PLXNA4: variants seen among roughly 807,000 people sequenced by gnomAD.
The protein encoded by PLXNA4 is plexin-A4.
In PLXNA4, 44 loss-of-function variants were observed where a neutral mutation model predicts 191.8. That is an observed-to-expected ratio of 0.23 (90% CI 0.18 to 0.29). The LOEUF (loss-of-function observed/expected upper bound fraction) is 0.29. PLXNA4 is among the 10% of genes least tolerant of loss of function. The probability of loss-of-function intolerance (pLI) is 1.00; values close to 1 mark genes in which losing one functional copy is unlikely to be tolerated. For missense variants in PLXNA4, 1,800 were observed against 2,488.8 expected (o/e 0.72, Z 5.89); for synonymous variants, 1,082 against 1,009.5 (o/e 1.07, Z -1.36).
chr7:132,207,318 G>A (rs1391677235), intron 10 of PLXNA4, among the ~76,000 whole-genome samples: 1 of 152,244 alleles, frequency 6.6e-6, no homozygotes, highest in Non-Finnish European at 1.5e-5. Flanking sequence ...GCCAGCATGA[G>A]TCCGCGGAAG....
rs372745777 is a variant in PLXNA4 at position 132,179,646 on chromosome 7, ACG to A, written c.3874+39_3874+40del. On this transcript the variant is annotated intron_variant, in intron 20 of 31. Coordinates refer to ENST00000321063, the MANE Select transcript of PLXNA4 (RefSeq NM_020911.2). ...TGTGCATGCACACACATATGCACAC[ACG>A]CACACACACATGGCCTCCAGCATGG... The A allele has an allele frequency of 2.4e-5, 38 of 1,588,870 alleles. No homozygotes were observed. In the African/African-American group the frequency reaches 2.6e-4, roughly 11 times the overall value.
intron 4 of PLXNA4, among the ~76,000 whole-genome samples, chr7:132,290,259 C>A (rs1280832921): frequency 6.6e-6 from 1 of 152,212 alleles, no homozygotes; most frequent in African/African-American, 2.4e-5. Context: ...AGGCTTCTGG[C>A]TTCCAGGAAG....
intron 3 of PLXNA4, among the ~76,000 whole-genome samples, chr7:132,410,100 T>C (rs1016783936): frequency 9.2e-5 from 14 of 152,316 alleles, no homozygotes; most frequent in Admixed American, 7.2e-4. Context: ...GCTTGGATCC[T>C]CACACTCTCC....
intron 4 of PLXNA4, among the ~76,000 whole-genome samples, chr7:132,259,436 CAAAAAAAAAAAAAAAAAAAAAA>C (rs55902635): frequency 1.5e-4 from 5 of 33,854 alleles, no homozygotes; most frequent in African/African-American, 4.3e-4. Context: ...AACTCCAACT[CAAAAAAAAAAAAAAAAAAAAAA>C]AAAAAAAAAA....
chr7:132,135,745 C>T (rs1795093451), intron 30 of PLXNA4, among the ~76,000 whole-genome samples: 1 of 152,072 alleles, frequency 6.6e-6, no homozygotes, highest in African/African-American at 2.4e-5. Flanking sequence ...GGGCTGGGGC[C>T]CTGACCATCT....
chr7:132,595,018 T>TAGAC (rs200153876), intron 2 of PLXNA4, among the ~76,000 whole-genome samples: 489 of 31,672 alleles, frequency 0.015, 5 homozygotes, highest in East Asian at 0.052. Context: ...GATAGATAGA[T>TAGAC]AGACAGACAG....
intron 3 of PLXNA4, among the ~76,000 whole-genome samples, chr7:132,326,310 G>A (rs1802355150): frequency 6.6e-6 from 1 of 152,164 alleles, no homozygotes; most frequent in Admixed American, 6.5e-5. Context: ...AGCCTCCATA[G>A]TCCTATGAGA....
At chr7:132,572,957 T>C (rs1442526914) in intron 1 of PLXNA4, among the ~76,000 whole-genome samples, 2 of 152,192 alleles carry the variant, frequency 1.3e-5, no homozygotes, top group African/African-American at 4.8e-5. Flanking sequence ...TAAATATAAA[T>C]AACACTTAAT....
chr7:132,591,750 T>G (rs1225961058), intron 2 of PLXNA4, among the ~76,000 whole-genome samples: 1 of 152,206 alleles, frequency 6.6e-6, no homozygotes, highest in East Asian at 1.9e-4. Flanking sequence ...CCCTTTCAGA[T>G]GCATTAGTGT....
chr7:132,132,262 T>C (rs960584038), intron 31 of PLXNA4, among the ~76,000 whole-genome samples: 2 of 152,158 alleles, frequency 1.3e-5, no homozygotes, highest in African/African-American at 4.8e-5. Flanking sequence ...ACCCCATGCA[T>C]AGGCAAGAAA....
At chr7:132,259,677 G>A (rs1799567100) in intron 4 of PLXNA4, among the ~76,000 whole-genome samples, 1 of 151,984 alleles carries the variant, frequency 6.6e-6, no homozygotes, top group Non-Finnish European at 1.5e-5. Context: ...GCACACAGAT[G>A]TTTATAGCAA....
chr7:132,521,177 TG>T (rs1181044273), intron 1 of PLXNA4, among the ~76,000 whole-genome samples: 4,679 of 115,606 alleles, frequency 0.04, 284 homozygotes, highest in East Asian at 0.25. Context: ...ATTTGCTCCT[TG>T]AAAAAAAAAA....
intron 2 of PLXNA4, among the ~76,000 whole-genome samples, chr7:132,587,205 T>C (rs1007530900): frequency 6.6e-6 from 1 of 152,112 alleles, no homozygotes; most frequent in Non-Finnish European, 1.5e-5. Flanking sequence ...TCAAAGTAAC[T>C]GGTGATGTTC....
chr7:132,398,914 C>T (rs1793868102), intron 3 of PLXNA4, among the ~76,000 whole-genome samples: 1 of 152,162 alleles, frequency 6.6e-6, no homozygotes, highest in African/African-American at 2.4e-5. Flanking sequence ...CCTCAGGACA[C>T]CCACAGGAGA....
At chr7:132,144,709 C>T (rs1477095624) in intron 29 of PLXNA4, among the ~76,000 whole-genome samples, 2 of 152,192 alleles carry the variant, frequency 1.3e-5, no homozygotes, top group African/African-American at 4.8e-5. Context: ...TTGCCTCTCA[C>T]CCTCATCTGT....
At position 132,346,292 on chromosome 7, in the gene PLXNA4, T is replaced by C. The variant is rs149083857; in HGVS notation, c.1372-48070A>G. 5.1e-3 allele frequency among the ~76,000 whole-genome samples: 774 copies of C among 152,348 alleles called. 11 individuals carry two copies. Among genetic ancestry groups the C allele is most frequent in the Admixed American group, 0.016 (242 of 15,296 alleles). ...GCATGCCTTACGAGTACAAAGGCTC[T>C]TCACATCTTTGGTCCACTATCAGGA... On this transcript the variant is annotated intron_variant, in intron 3 of 31. Transcript: ENST00000321063.
chr7:132,430,661 A>G (rs1022530526), intron 3 of PLXNA4, among the ~76,000 whole-genome samples: 1 of 152,226 alleles, frequency 6.6e-6, no homozygotes, highest in African/African-American at 2.4e-5. Flanking sequence ...CCTCTTGAGG[A>G]GTAATAGCTT....
intron 1 of PLXNA4, among the ~76,000 whole-genome samples, chr7:132,574,090 T>C (rs1308644618): frequency 2.0e-5 from 3 of 152,220 alleles, no homozygotes; most frequent in Non-Finnish European, 2.9e-5. Context: ...TGGTACCTAA[T>C]GCTAAGTGCA....
At chr7:132,153,316 C>G (rs146692464) in intron 25 of PLXNA4, among the ~76,000 whole-genome samples, 12 of 152,006 alleles carry the variant, frequency 7.9e-5, no homozygotes, top group African/African-American at 2.9e-4. Flanking sequence ...TAAGAAAGAT[C>G]CAGCATGCCA....
Sources: gnomAD v4.1 joint callset for allele counts (sites outside exome capture counted in the v4.1 genomes callset) on GRCh38, gnomAD v4.1.1 for gene constraint, MANE v1.5 for transcripts, NCBI Gene and HGNC (gene_info 2026-07-23, HGNC 2026-07-21) for gene names.